Variants in RBMS3 observed in about 807,000 individuals in gnomAD.
The protein encoded by RBMS3 is RNA-binding motif, single-stranded-interacting protein 3.
RBMS3 carries 27 observed loss-of-function variants against 66.8 expected under a neutral mutation model. The ratio of observed to expected loss-of-function variants is 0.40; its 90% CI spans 0.30 to 0.56. The LOEUF (loss-of-function observed/expected upper bound fraction) is 0.56. Ranked by LOEUF, RBMS3 falls within the 20% of genes least tolerant of loss-of-function variation. The pLI, the probability that RBMS3 is intolerant of heterozygous loss-of-function variation, is 0.40. For missense variants in RBMS3, 513 were observed against 549.5 expected (o/e 0.93, Z 0.66); for synonymous variants, 188 against 183.0 (o/e 1.03, Z -0.22).
intron 6 of RBMS3, chr3:29,767,210 G>C (rs576124399): frequency 6.6e-6 from 1 of 152,098 alleles, no homozygotes; most frequent in South Asian, 2.1e-4. Flanking sequence ...ACACCATGCG[G>C]AAAAGGTTTT....
At chr3:29,414,216 G>A (rs181985146) in intron 1 of RBMS3, among the ~76,000 whole-genome samples, 15 of 152,256 alleles carry the variant, frequency 9.9e-5, no homozygotes, top group Admixed American at 9.2e-4. Flanking sequence ...AAACAAAAAG[G>A]TCTTGAACTG....
At chr3:29,666,436 T>C (rs9865546) in intron 4 of RBMS3, among the ~76,000 whole-genome samples, 24,381 of 152,220 alleles carry the variant, frequency 0.16, 2,061 homozygotes, top group Middle Eastern at 0.26. Flanking sequence ...GCTTAATGAA[T>C]GAGTAAATGC....
chr3:29,829,850 T>C (rs922396703), intron 6 of RBMS3, among the ~76,000 whole-genome samples: 1 of 152,196 alleles, frequency 6.6e-6, no homozygotes, highest in African/African-American at 2.4e-5. Context: ...AGAGGAATTA[T>C]CTATTTACAC....
At chr3:29,876,692 A>C (rs1466062326) in intron 7 of RBMS3, among the ~76,000 whole-genome samples, 1 of 152,194 alleles carries the variant, frequency 6.6e-6, no homozygotes, top group East Asian at 1.9e-4. Context: ...TCTGAGGCTG[A>C]AAGAATAGAA....
chr3:29,698,666 C>T (rs1299444437), intron 4 of RBMS3: 2 of 967,576 alleles, frequency 2.1e-6, no homozygotes, highest in South Asian at 4.8e-5. Context: ...TTCTCATTTG[C>T]TTTTTTTAAA....
chr3:29,441,047 A>C (rs901548348), intron 2 of RBMS3, among the ~76,000 whole-genome samples: 1 of 151,968 alleles, frequency 6.6e-6, no homozygotes, highest in African/African-American at 2.4e-5. Context: ...ATAAGACCCT[A>C]GGAAATTTAT....
intron 3 of RBMS3, among the ~76,000 whole-genome samples, chr3:29,503,939 A>G (rs186317585): frequency 2.0e-5 from 3 of 152,100 alleles, no homozygotes; most frequent in Non-Finnish European, 4.4e-5. Flanking sequence ...AGGCTTTCTC[A>G]TCTGGATTTA....
chr3:29,307,952 G>C (rs1256117805), intron 1 of RBMS3, among the ~76,000 whole-genome samples: 1 of 151,326 alleles, frequency 6.6e-6, no homozygotes, highest in Non-Finnish European at 1.5e-5. Flanking sequence ...TGCATAAATG[G>C]GTAAATTACA....
intron 10 of RBMS3, among the ~76,000 whole-genome samples, chr3:29,925,479 G>A (rs548186951): frequency 7.9e-5 from 12 of 152,134 alleles, no homozygotes; most frequent in Non-Finnish European, 1.2e-4. Flanking sequence ...GGCAGAAATC[G>A]TATGGAGATG....
chr3:29,948,597 TC>T (rs1201597394), intron 12 of RBMS3, among the ~76,000 whole-genome samples: 4 of 151,800 alleles, frequency 2.6e-5, no homozygotes, highest in African/African-American at 9.7e-5. Flanking sequence ...CATTAGTACC[TC>T]CAATTAGCAA....
At chr3:29,789,340 AT>A (rs2056927109) in intron 6 of RBMS3, among the ~76,000 whole-genome samples, 1 of 152,030 alleles carries the variant, frequency 6.6e-6, no homozygotes, top group African/African-American at 2.4e-5. Context: ...TTCTCTAGTA[AT>A]TTTTATTAAA....
At chr3:29,452,631 G>A (rs2042052659) in intron 2 of RBMS3, among the ~76,000 whole-genome samples, 1 of 152,176 alleles carries the variant, frequency 6.6e-6, no homozygotes. Context: ...ATAAGAAAGA[G>A]TTTCAGCTGT....
chr3:29,353,007 G>A (rs55693916), intron 1 of RBMS3, among the ~76,000 whole-genome samples: 1 of 151,050 alleles, frequency 6.6e-6, no homozygotes, highest in Non-Finnish European at 1.5e-5. Flanking sequence ...ATTGGTTCAT[G>A]CCTTCATTAT....
At chr3:29,613,967 C>T (rs541491585) in intron 4 of RBMS3, among the ~76,000 whole-genome samples, 94 of 152,108 alleles carry the variant, frequency 6.2e-4, no homozygotes, top group Middle Eastern at 6.8e-3. Context: ...CCAGCAATCC[C>T]GCTGCTGAGT....
chr3:29,379,488 G>A (rs1399176353), intron 1 of RBMS3, among the ~76,000 whole-genome samples: 1 of 152,176 alleles, frequency 6.6e-6, no homozygotes, highest in African/African-American at 2.4e-5. Flanking sequence ...AGTTCCACAT[G>A]GCTGGGGAGG....
intron 1 of RBMS3, among the ~76,000 whole-genome samples, chr3:29,417,525 G>T (rs1224263178): frequency 1.3e-5 from 2 of 152,038 alleles, no homozygotes; most frequent in East Asian, 3.9e-4. Flanking sequence ...TATCCTATGG[G>T]TTTATATTAA....
At chr3:29,899,842 T>C in intron 10 of RBMS3, 87 bp downstream of exon 10, 2 of 1,322,222 alleles carry the variant, frequency 1.5e-6, no homozygotes, top group Non-Finnish European at 2.1e-6. Flanking sequence ...GGTAAAGCTT[T>C]TGTTATAATA....
chr3:29,467,433 T>C (rs1376426280), intron 2 of RBMS3, among the ~76,000 whole-genome samples: 1 of 152,166 alleles, frequency 6.6e-6, no homozygotes, highest in Non-Finnish European at 1.5e-5. Context: ...TACATACATA[T>C]GTGTGTCATG....
intron 1 of RBMS3, among the ~76,000 whole-genome samples, chr3:29,360,623 A>G (rs563894995): frequency 2.6e-5 from 4 of 152,078 alleles, no homozygotes; most frequent in Admixed American, 2.6e-4. Context: ...TGTCTCATTG[A>G]TCTGTCTAAT....
Sources: allele counts gnomAD v4.1 joint callset (sites outside exome capture counted in the v4.1 genomes callset), GRCh38; gene constraint gnomAD v4.1.1; transcripts MANE v1.5; gene names NCBI Gene and HGNC (gene_info 2026-07-23, HGNC 2026-07-21).